The following FAT3 variants were observed in gnomAD, a reference collection of about 807,000 sequenced individuals.
The protein encoded by FAT3 is FAT atypical cadherin 3, also known as protocadherin Fat 3.
In FAT3, 95 loss-of-function variants were observed where a neutral mutation model predicts 310.2. That is an observed-to-expected ratio of 0.31 (90% confidence interval 0.26 to 0.36). The LOEUF (loss-of-function observed/expected upper bound fraction) is 0.36, where lower values mean the gene tolerates loss of function less well. Among genes scored for constraint, FAT3 ranks in the 10% least tolerant of loss-of-function variants. FAT3 has a pLI of 1.00. For missense variants in FAT3, 5,408 were observed against 5,715.6 expected (o/e 0.95, Z 1.74); for synonymous variants, 2,314 against 2,192.9 (o/e 1.06, Z -1.54).
intron 1 of FAT3, among the ~76,000 whole-genome samples, chr11:92,308,349 C>T (rs984410541): frequency 6.6e-6 from 1 of 152,082 alleles, no homozygotes; most frequent in African/African-American, 2.4e-5. Context: ...GGGAAAGCCT[C>T]ACATGAGAAT....
intron 1 of FAT3, among the ~76,000 whole-genome samples, chr11:92,311,036 A>G (rs1362973252): frequency 6.6e-6 from 1 of 151,700 alleles, no homozygotes; most frequent in Non-Finnish European, 1.5e-5. Context: ...ATATATATAC[A>G]TACACATATA....
intron 1 of FAT3, among the ~76,000 whole-genome samples, chr11:92,345,652 C>T (rs1948395130): frequency 6.6e-6 from 1 of 152,164 alleles, no homozygotes; most frequent in African/African-American, 2.4e-5. Flanking sequence ...TCCAAAATAG[C>T]TTCATAGAAT....
At position 92,883,111 on chromosome 11, in the gene FAT3, C is replaced by T. The variant is rs1949713625; in HGVS notation, c.12655C>T (p.Arg4219Cys). Residue 4219 changes from arginine (R) to cysteine (C), a missense_variant, in exon 24 of 28, where the codon CGC becomes TGC. Physicochemically the swap from Arg to Cys is radical, Grantham distance 180 (BLOSUM62 -3). Around this residue, in one of 5 missense-constraint regions of FAT3, gnomAD observed 649 missense variants for 666.2 expected, o/e 0.97. Transcript: ENST00000525166. The surrounding 1 kb of genome is among the most constrained non-coding windows in gnomAD (Gnocchi z 4.2). ...GAACCTGCGCGGCAGTGGGGACGGC[C>T]GCAACGTCTACCAGGAGGTGGGGCC... ...FRNLRGSGDG[R>C]NVYQEVGPPQ... The T allele has an allele frequency of 6.2e-7, 1 of 1,613,812 alleles. No homozygotes were observed. Among genetic ancestry groups the T allele is most frequent in the Non-Finnish European group, 8.5e-7 (1 of 1,179,896 alleles).
At chr11:92,276,555 G>C (rs565067929) in intron 1 of FAT3, among the ~76,000 whole-genome samples, 1 of 152,192 alleles carries the variant, frequency 6.6e-6, no homozygotes, top group African/African-American at 2.4e-5. Context: ...CGTGACACTA[G>C]GTTTAAAAGG....
rs191836264 is a variant in FAT3 at position 92,594,804 on chromosome 11, A to G, written c.3607+69856A>G. Among the ~76,000 whole-genome samples the G allele has an allele frequency of 2.0e-4, 30 of 152,242 alleles. No individual in the cohort carries two copies. In the East Asian group the frequency reaches 5.4e-3, roughly 27 times the overall value. On this transcript the variant is annotated intron_variant, in intron 3 of 27. Coordinates refer to ENST00000525166, the MANE Select transcript of FAT3 (RefSeq NM_001367949.2). ...CACCCACCCCCATTTCCTACCCTTG[A>G]TATTTGCTGCCAAAATCCACAATAT...
intron 22 of FAT3, 70 bp downstream of exon 22, chr11:92,867,279 C>A: frequency 7.1e-7 from 1 of 1,411,734 alleles, no homozygotes; most frequent in Non-Finnish European, 9.4e-7. Flanking sequence ...GCAGGGGGAT[C>A]CCTGCCCTCC....
At chr11:92,364,580 C>T (rs918890347) in intron 2 of FAT3, among the ~76,000 whole-genome samples, 5 of 152,128 alleles carry the variant, frequency 3.3e-5, no homozygotes, top group African/African-American at 4.8e-5. Context: ...CACAATGTTT[C>T]GTTGAAAAGA....
chr11:92,499,444 C>G (rs1952863023), intron 2 of FAT3, among the ~76,000 whole-genome samples: 1 of 151,860 alleles, frequency 6.6e-6, no homozygotes. Flanking sequence ...TAAATAGTAC[C>G]CAGTAGAGTA....
intron 2 of FAT3, among the ~76,000 whole-genome samples, chr11:92,480,861 G>A (rs1952204868): frequency 1.3e-5 from 2 of 152,196 alleles, no homozygotes; most frequent in Non-Finnish European, 2.9e-5. Context: ...ATGATTTCAT[G>A]AATGGGACAG....
At chr11:92,804,265 A>G (rs979136240) in intron 10 of FAT3, among the ~76,000 whole-genome samples, 13 of 151,634 alleles carry the variant, frequency 8.6e-5, no homozygotes, top group Non-Finnish European at 1.8e-4. Flanking sequence ...AATAAATGAA[A>G]TAGTGATCAT....
At chr11:92,435,707 G>T (rs1950921470) in intron 2 of FAT3, among the ~76,000 whole-genome samples, 1 of 151,618 alleles carries the variant, frequency 6.6e-6, no homozygotes, top group South Asian at 2.1e-4. Flanking sequence ...TGGAATTAAA[G>T]GTGTGTGCCA....
intron 1 of FAT3, among the ~76,000 whole-genome samples, chr11:92,322,638 T>C (rs1193953973): frequency 6.6e-6 from 1 of 152,216 alleles, no homozygotes; most frequent in Non-Finnish European, 1.5e-5. Flanking sequence ...CCTAAGTCAT[T>C]TGTTCTCATT....
At position 92,800,735 on chromosome 11, in the gene FAT3, C is replaced by T. The variant is rs1187990765; in HGVS notation, c.7722C>T (p.Ala2574=). ...GGGATGTTAGTATTTTTGTGAGGGC[C>T]CTTGATGGTGGAGGGAGAACAACTT... ...LEGDVSIFVR[A]LDGGGRTTFC... Residue 2574 remains alanine (A), a synonymous_variant, in exon 10 of 28, where the codon GCC becomes GCT. Transcript: ENST00000525166. The T allele has an allele frequency of 6.2e-7, 1 of 1,613,720 alleles. No homozygotes were observed. The highest frequency in any genetic ancestry group is 2.2e-5 in the East Asian group (1 of 44,826).
chr11:92,339,184 T>C lies in FAT3; in HGVS notation c.-17-12912T>C, dbSNP rs1250762209. Among the ~76,000 whole-genome samples the C allele has an allele frequency of 3.3e-5, 5 of 152,196 alleles. No individual in the cohort carries two copies. In the East Asian group the frequency reaches 9.6e-4, roughly 29 times the overall value. On this transcript the variant is annotated intron_variant, in intron 1 of 27. Transcript: ENST00000525166. ...TATTAGGCATGTAAGTTCTGTGTTT[T>C]GGGGGCTGTCCTGGGTAGGACATTT...
intron 2 of FAT3, among the ~76,000 whole-genome samples, chr11:92,358,950 T>G (rs1948806371): frequency 6.6e-6 from 1 of 152,206 alleles, no homozygotes; most frequent in Non-Finnish European, 1.5e-5. Context: ...TTTAAGTCTT[T>G]TAAAACCTTT....
intron 2 of FAT3, among the ~76,000 whole-genome samples, chr11:92,367,638 AC>A (rs777811843): frequency 1.3e-5 from 2 of 152,084 alleles, no homozygotes; most frequent in Non-Finnish European, 2.9e-5. Flanking sequence ...CTCCAAAAAA[AC>A]AACAACAAAA....
At chr11:92,725,695 A>G (rs1302190574) in intron 4 of FAT3, among the ~76,000 whole-genome samples, 1 of 152,190 alleles carries the variant, frequency 6.6e-6, no homozygotes, top group East Asian at 1.9e-4. Flanking sequence ...AGATTTATAA[A>G]AGTCCTAGGC....
At chr11:92,477,196 A>G (rs1029236352) in intron 2 of FAT3, among the ~76,000 whole-genome samples, 1 of 152,202 alleles carries the variant, frequency 6.6e-6, no homozygotes, top group Non-Finnish European at 1.5e-5. Context: ...ACAGAAAAGA[A>G]TGGAGATTTC....
intron 2 of FAT3, among the ~76,000 whole-genome samples, chr11:92,417,776 A>G (rs933603310): frequency 2.0e-5 from 3 of 152,232 alleles, no homozygotes; most frequent in Non-Finnish European, 4.4e-5. Context: ...AAAACAAAAC[A>G]ACAAAACACA....
Sources: gnomAD v4.1 joint callset for allele counts (sites outside exome capture counted in the v4.1 genomes callset) on GRCh38, gnomAD v4.1.1 for gene constraint, gnomAD v4.1.1 regional missense constraint, Gnocchi (gnomAD v3.1) non-coding constraint, MANE v1.5 for transcripts, NCBI Gene and HGNC (gene_info 2026-07-23, HGNC 2026-07-21) for gene names.